Variants in CRYBG3 observed in about 807,000 individuals in gnomAD.
CRYBG3 encodes crystallin beta-gamma domain containing 3.
CRYBG3 carries 127 observed loss-of-function variants against 244.2 expected under a neutral mutation model. That is an observed-to-expected ratio of 0.52 (90% confidence interval 0.45 to 0.60). The LOEUF (loss-of-function observed/expected upper bound fraction) is 0.60. Ranked by LOEUF, CRYBG3 falls within the 20% of genes least tolerant of loss-of-function variation. The pLI is 0.00. For missense variants in CRYBG3, 3,325 were observed against 3,442.5 expected (o/e 0.97, Z 0.85); for synonymous variants, 1,132 against 1,195.8 (o/e 0.95, Z 1.10).
At chr3:97,916,273 T>C (rs1235552829) in intron 17 of CRYBG3, among the ~76,000 whole-genome samples, 1 of 152,168 alleles carries the variant, frequency 6.6e-6, no homozygotes, top group African/African-American at 2.4e-5. Context: ...AGGTTAACTA[T>C]GTTACTTTAA....
Position 97,864,199 on chromosome 3 carries a change from T to C in CRYBG3, c.217-18T>C. The C allele has an allele frequency of 1.4e-6, 2 of 1,461,378 alleles. No individual in the cohort carries two copies. The highest frequency in any genetic ancestry group is 1.8e-6 in the Non-Finnish European group (2 of 1,113,736). The allele number at this position is 1,461,378 out of a possible 1,614,324, so 90.5% of individuals were successfully genotyped here. A position where few individuals can be genotyped will look rare whatever the true frequency, so the allele number is the denominator to read the frequency against. On this transcript the variant is annotated intron_variant, in intron 2 of 21. Coordinates refer to ENST00000389622, the MANE Select transcript of CRYBG3 (RefSeq NM_153605.4). Reference sequence around the variant, plus strand: ...ATTTAAATAATGATGCTTATGATTGTCTATTTTGTTTTCAAAGATTCGCCA... The same window carrying C: ...ATTTAAATAATGATGCTTATGATTGCCTATTTTGTTTTCAAAGATTCGCCA...
chr3:97,939,200 C>T (rs2040199011), intron 19 of CRYBG3, among the ~76,000 whole-genome samples: 1 of 151,930 alleles, frequency 6.6e-6, no homozygotes, highest in Non-Finnish European at 1.5e-5. Flanking sequence ...TTTTTTTTAA[C>T]AAGAATAGTA....
intron 10 of CRYBG3, among the ~76,000 whole-genome samples, chr3:97,892,410 A>C (rs1294413712): frequency 6.6e-6 from 1 of 152,096 alleles, no homozygotes; most frequent in Non-Finnish European, 1.5e-5. Flanking sequence ...TCAACATCAT[A>C]TCGTCCCTTC....
At chr3:97,928,235 A>G (rs1205054104) in intron 17 of CRYBG3, among the ~76,000 whole-genome samples, 1 of 151,978 alleles carries the variant, frequency 6.6e-6, no homozygotes, top group Non-Finnish European at 1.5e-5. Flanking sequence ...AAAGCAGAAT[A>G]TCGAATATGT....
intron 2 of CRYBG3, among the ~76,000 whole-genome samples, chr3:97,863,772 C>T (rs1406849244): frequency 6.6e-6 from 1 of 152,014 alleles, no homozygotes; most frequent in Non-Finnish European, 1.5e-5. Flanking sequence ...TCCATATTTA[C>T]CTCTCACTCT....
chr3:97,836,719 A>G (rs1000197163), intron 1 of CRYBG3, among the ~76,000 whole-genome samples: 2 of 152,100 alleles, frequency 1.3e-5, no homozygotes, highest in African/African-American at 2.4e-5. Context: ...TAAGGGCCTA[A>G]AGGAGGGCTG....
In CRYBG3 at chr3:97,941,197, C is replaced by T. The variant is rs2040225124; in HGVS notation, c.8555C>T (p.Thr2852Ile). 1 of 1,611,670 alleles carries T rather than the reference C, an allele frequency of 6.2e-7. No individual in the cohort carries two copies. The highest frequency in any genetic ancestry group is 8.5e-7 in the Non-Finnish European group (1 of 1,178,390). Residue 2852 changes from threonine (T) to isoleucine (I), a missense_variant, in exon 20 of 22, where the codon ACA becomes ATA. Physicochemically the swap from Thr to Ile is moderately conservative, Grantham distance 89. Transcript: ENST00000389622. ...IKNRAQGEYL[T>I]VTGSLADTRA... The stretch of plus-strand genomic sequence containing the variant: ...AACCGTGCCCAGGGTGAATATCTGA[C>T]AGTCACTGGAAGTCTAGCAGACACC...
Position 97,874,436 on chromosome 3 carries a change from A to C in CRYBG3, c.3242A>C (p.Asn1081Thr). 1 of 1,535,252 alleles carries C rather than the reference A, an allele frequency of 6.5e-7. No homozygotes were observed. The highest frequency in any genetic ancestry group is 8.7e-7 in the Non-Finnish European group (1 of 1,146,580). Residue 1081 changes from asparagine to threonine, a missense_variant, in exon 4 of 22, where the codon AAT becomes ACT. Around this residue, in one of 4 missense-constraint regions of CRYBG3, gnomAD observed 1,526 missense variants for 1,443.2 expected, o/e 1.06. Transcript: ENST00000389622. ...ATAGTAAATTCACATAAGCCCCAAA[A>C]TAATTTGGATTCTATACAAGTTACC... Reference protein sequence around the residue: ...SMIVNSHKPQNNLDSIQVTKD... With the variant: ...SMIVNSHKPQTNLDSIQVTKD...
chr3:97,939,711 A>C (rs2040204183), intron 19 of CRYBG3, among the ~76,000 whole-genome samples: 1 of 152,106 alleles, frequency 6.6e-6, no homozygotes, highest in Non-Finnish European at 1.5e-5. Context: ...TGAAGCCTCA[A>C]GAATTAATAA....
At chr3:97,901,000 A>G (rs151108069) in intron 15 of CRYBG3, among the ~76,000 whole-genome samples, 256 of 152,270 alleles carry the variant, frequency 1.7e-3, no homozygotes, top group African/African-American at 5.9e-3. Flanking sequence ...CTTATTTTCT[A>G]TTGAGGGCTA....
rs143163531 is a variant in CRYBG3, at chr3:97,918,355, T to C, written c.8241+2619T>C. ...GGGCATTGACACATAGTTTGCAGTG[T>C]TGCAGTCATTTTATAGTGAATGGAG... On this transcript the variant is annotated intron_variant, in intron 17 of 21. Transcript: ENST00000389622. Among the ~76,000 whole-genome samples, 9 of 152,342 alleles carry C rather than the reference T, an allele frequency of 5.9e-5. 1 individual carries two copies. The highest frequency in any genetic ancestry group is 2.2e-4 in the African/African-American group (9 of 41,596).
rs774206870 is a variant in CRYBG3, at chr3:97,877,678, G to C, written c.6484G>C (p.Asp2162His). ...EEEAAVLHKG[D>H]LRAGSGERVT... ...GGAGGCAGCAGTATTGCATAAAGGA[G>C]ATCTGAGAGCTGGAAGTGGGGAGCG... The change falls in exon 4 of 22, where the codon GAT becomes CAT. Residue 2162 changes from aspartate (D) to histidine (H), a missense_variant. Around this residue, in one of 4 missense-constraint regions of CRYBG3, gnomAD observed 450 missense variants for 424.1 expected, o/e 1.06. Transcript: ENST00000389622. 13 of 1,613,972 alleles carry C rather than the reference G, an allele frequency of 8.1e-6. No individual in the cohort carries two copies. Among genetic ancestry groups the C allele is most frequent in the African/African-American group, 1.3e-5 (1 of 74,898 alleles).
rs1179170846 is a variant in CRYBG3 at position 97,875,172 on chromosome 3, A to G, written c.3978A>G (p.Glu1326=). 1 of 1,535,492 alleles carries G rather than the reference A, an allele frequency of 6.5e-7. No homozygotes were observed. The highest frequency in any genetic ancestry group is 1.2e-5 in the South Asian group (1 of 83,980). The part of the protein sequence containing the change: ...AQEKLRNDTF[E]DTEDTWDSEL... ...AAAAATTGAGAAATGATACTTTTGA[A>G]GATACTGAGGATACTTGGGATTCTG... Residue 1326 remains glutamate (E), a synonymous_variant, in exon 4 of 22, where the codon GAA becomes GAG. Coordinates refer to ENST00000389622, the MANE Select transcript of CRYBG3 (RefSeq NM_153605.4).
At chr3:97,895,905 T>G in intron 11 of CRYBG3, 54 bp from the exon 12 acceptor site, 1 of 1,568,868 alleles carries the variant, frequency 6.4e-7, no homozygotes, top group Non-Finnish European at 8.7e-7. Context: ...TCTGTTTTGC[T>G]TTCTTGACTA....
intron 4 of CRYBG3, 150 bp downstream of exon 4, chr3:97,878,187 G>A: frequency 1.6e-6 from 1 of 644,762 alleles, no homozygotes. Context: ...GAGGCAGGTG[G>A]ATCACGAGGT....
At chr3:97,834,214 A>T (rs1267348166) in intron 1 of CRYBG3, among the ~76,000 whole-genome samples, 1 of 152,146 alleles carries the variant, frequency 6.6e-6, no homozygotes, top group African/African-American at 2.4e-5. Context: ...GATTTCACGT[A>T]AGCTGTTGGC....
rs145949621 is a variant in CRYBG3 at position 97,915,003 on chromosome 3, A to G, written c.8115-607A>G. ...AACTCACTATTGAAGATTCTAAGGGATTTATTTCTTTTTAAAATTTTCCAT... is the reference window on the plus strand; with the variant it reads ...AACTCACTATTGAAGATTCTAAGGGGTTTATTTCTTTTTAAAATTTTCCAT... On this transcript the variant is annotated intron_variant, in intron 16 of 21. Coordinates refer to ENST00000389622, the MANE Select transcript of CRYBG3 (RefSeq NM_153605.4). Among the ~76,000 whole-genome samples, 13 of 152,252 alleles carry G rather than the reference A, an allele frequency of 8.5e-5. 1 individual carries two copies. The highest frequency in any genetic ancestry group is 8.3e-4 in the South Asian group (4 of 4,830).
intron 17 of CRYBG3, 121 bp from the exon 18 acceptor site, chr3:97,933,573 A>G: frequency 2.1e-6 from 2 of 950,204 alleles, no homozygotes; most frequent in Middle Eastern, 2.2e-4. Context: ...AACCTTAGAG[A>G]GTAAAACAGT....
rs1426912625 is a variant in CRYBG3 at position 97,864,532 on chromosome 3, C to G, written c.532C>G (p.Leu178Val). Residue 178 changes from leucine to valine, a missense_variant, in exon 3 of 22, where the codon CTA becomes GTA. Leu to Val is a conservative substitution (Grantham distance 32). Coordinates refer to ENST00000389622, the MANE Select transcript of CRYBG3 (RefSeq NM_153605.4). Reference sequence around the variant, plus strand: ...GGAGAGAGAGATTTTCAGTGGCTCCCTAAGAACCCAGACACATCCAACAGA... The same window carrying G: ...GGAGAGAGAGATTTTCAGTGGCTCCGTAAGAACCCAGACACATCCAACAGA... ...KREREIFSGS[L>V]RTQTHPTEEQ... is the part of the protein sequence containing the mutation. 1 of 1,535,858 alleles carries G rather than the reference C, an allele frequency of 6.5e-7. No individual in the cohort carries two copies. Among genetic ancestry groups the G allele is most frequent in the South Asian group, 1.2e-5 (1 of 84,050 alleles).
Sources: allele counts gnomAD v4.1 joint callset (sites outside exome capture counted in the v4.1 genomes callset), GRCh38; gene constraint gnomAD v4.1.1; regional missense constraint gnomAD v4.1.1; transcripts MANE v1.5; gene names NCBI Gene and HGNC (gene_info 2026-07-23, HGNC 2026-07-21).